Variants in RBFOX1 observed in about 807,000 individuals in gnomAD.
RBFOX1 encodes RNA binding protein fox-1 homolog 1.
A neutral mutation model predicts 57.7 loss-of-function variants in RBFOX1; 8 were observed. That is an observed-to-expected ratio of 0.14 (90% CI 0.08 to 0.25). RBFOX1 has a LOEUF of 0.25. Ranked by LOEUF, RBFOX1 falls within the 10% of genes least tolerant of loss-of-function variation. The pLI is 1.00. For missense variants in RBFOX1, 611 were observed against 548.5 expected (o/e 1.11, Z -1.14); for synonymous variants, 326 against 222.4 (o/e 1.47, Z -4.15).
At chr16:7,289,718 G>A (rs1188104038) in intron 4 of RBFOX1, among the ~76,000 whole-genome samples, 1 of 152,010 alleles carries the variant, frequency 6.6e-6, no homozygotes, top group Admixed American at 6.6e-5. Flanking sequence ...GCACTTCCTA[G>A]GTGCTAAGGG....
intron 1 of RBFOX1, among the ~76,000 whole-genome samples, chr16:6,033,882 T>C (rs550901636): frequency 6.6e-6 from 1 of 152,230 alleles, no homozygotes; most frequent in East Asian, 1.9e-4. Flanking sequence ...CCCTTACATG[T>C]TGGTGGATGA....
rs982011577 is a variant in RBFOX1 at position 6,790,565 on chromosome 16, C to A, written c.-16+135915C>A. Among the ~76,000 whole-genome samples the A allele has an allele frequency of 5.9e-5, 9 of 152,258 alleles. 1 individual carries two copies. The East Asian group carries it at 1.5e-3, about 26-fold the overall frequency. ...CTTTCCTATTTAGCCTCTATTCCCC[C>A]AAACCATTGTTTTCCCAACACTGCC... is the stretch of plus-strand genomic sequence containing the variant. On this transcript the variant is annotated intron_variant, in intron 3 of 15. Transcript: ENST00000550418.
At chr16:6,078,261 A>G (rs1378156868) in intron 1 of RBFOX1, among the ~76,000 whole-genome samples, 3 of 152,210 alleles carry the variant, frequency 2.0e-5, no homozygotes, top group Non-Finnish European at 4.4e-5. Flanking sequence ...CAGGGTTTCT[A>G]GTATATTATG....
At chr16:6,994,954 T>C (rs1237370367) in intron 3 of RBFOX1, among the ~76,000 whole-genome samples, 1 of 151,820 alleles carries the variant, frequency 6.6e-6, no homozygotes, top group Non-Finnish European at 1.5e-5. Context: ...TTTGTGTGTG[T>C]GTGTGTGTGT....
At chr16:7,233,412 T>C (rs1205701817) in intron 4 of RBFOX1, among the ~76,000 whole-genome samples, 3 of 152,198 alleles carry the variant, frequency 2.0e-5, no homozygotes, top group African/African-American at 7.2e-5. Flanking sequence ...AAACATTGAG[T>C]TGCTTTTCCT....
intron 2 of RBFOX1, among the ~76,000 whole-genome samples, chr16:6,377,749 T>A (rs2091354893): frequency 6.6e-6 from 1 of 152,220 alleles, no homozygotes; most frequent in South Asian, 2.1e-4. Context: ...ATATAAAATG[T>A]TTGGCACTAA....
chr16:5,517,950 G>GTA (rs1288217688), intron 2 of RBFOX1, among the ~76,000 whole-genome samples: 3 of 151,964 alleles, frequency 2.0e-5, no homozygotes, highest in Non-Finnish European at 4.4e-5. Flanking sequence ...GTGTGTGTGT[G>GTA]TGTGTGTGTG....
chr16:6,718,779 C>T (rs1348550346), intron 3 of RBFOX1, among the ~76,000 whole-genome samples: 2 of 152,172 alleles, frequency 1.3e-5, no homozygotes, highest in African/African-American at 4.8e-5. Context: ...AAACTCACAA[C>T]TAGGTTGACT....
chr16:6,542,643 C>T (rs974167491), intron 2 of RBFOX1, among the ~76,000 whole-genome samples: 1 of 151,848 alleles, frequency 6.6e-6, no homozygotes, highest in African/African-American at 2.4e-5. Flanking sequence ...GCGCCCGCCA[C>T]CATGCCTGGC....
intron 4 of RBFOX1, among the ~76,000 whole-genome samples, chr16:7,425,327 G>A (rs1359714839): frequency 6.6e-6 from 1 of 152,152 alleles, no homozygotes; most frequent in Non-Finnish European, 1.5e-5. Context: ...TATTTGATGA[G>A]TAATAGTTGA....
intron 1 of RBFOX1, among the ~76,000 whole-genome samples, chr16:6,254,458 A>T (rs1048958468): frequency 6.6e-6 from 1 of 152,216 alleles, no homozygotes; most frequent in Non-Finnish European, 1.5e-5. Context: ...TCAAAGGCAG[A>T]GTAGCAGAGT....
At chr16:7,016,847 GC>G (rs1311495113) in intron 3 of RBFOX1, among the ~76,000 whole-genome samples, 2 of 152,168 alleles carry the variant, frequency 1.3e-5, no homozygotes, top group Admixed American at 1.3e-4. Context: ...GCCAGCACTT[GC>G]TGCAGAGAAC....
chr16:6,635,158 T>G (rs1288355086), intron 2 of RBFOX1, among the ~76,000 whole-genome samples: 2 of 147,116 alleles, frequency 1.4e-5, no homozygotes, highest in African/African-American at 4.9e-5. Context: ...ATGATATGAG[T>G]ATAATATATT....
At chr16:7,385,644 A>C (rs969504345) in intron 4 of RBFOX1, among the ~76,000 whole-genome samples, 3 of 152,278 alleles carry the variant, frequency 2.0e-5, no homozygotes, top group East Asian at 1.9e-4. Context: ...TGTTTTCAAA[A>C]CCTGTACCTG....
In RBFOX1 at chr16:7,711,574, G is replaced by C. The variant is rs923369673; in HGVS notation, c.*829G>C. On this transcript the variant is annotated 3_prime_UTR_variant, in exon 16 of 16. Transcript: ENST00000550418. ...AGGGAAAAAATAACATTAATAAAAA[G>C]GTGATAAAAAAGCACTGTTTCTATT... 6.6e-6 allele frequency: 1 copy of C among 152,290 alleles called. No individual in the cohort carries two copies. The highest frequency in any genetic ancestry group is 2.4e-5 in the African/African-American group (1 of 41,326). 9.4% of individuals were successfully genotyped at this position (152,290 alleles called of 1,614,324 possible).
At chr16:7,012,957 G>C (rs1015851904) in intron 3 of RBFOX1, among the ~76,000 whole-genome samples, 1 of 152,086 alleles carries the variant, frequency 6.6e-6, no homozygotes, top group Non-Finnish European at 1.5e-5. Flanking sequence ...GTTGGCAGAT[G>C]GCCACCTTCT....
At chr16:6,720,737 A>G (rs1236146031) in intron 3 of RBFOX1, among the ~76,000 whole-genome samples, 1 of 152,218 alleles carries the variant, frequency 6.6e-6, no homozygotes, top group Admixed American at 6.5e-5. Context: ...GATTGGAAAC[A>G]TGAGCTTCAT....
At chr16:7,220,949 G>C (rs1413393197) in intron 4 of RBFOX1, among the ~76,000 whole-genome samples, 2 of 152,108 alleles carry the variant, frequency 1.3e-5, no homozygotes, top group African/African-American at 4.8e-5. Flanking sequence ...GCATTTCAAA[G>C]ACTGATGAGA....
chr16:5,770,568 C>G (rs9939365), intron 3 of RBFOX1, among the ~76,000 whole-genome samples: 59,636 of 151,800 alleles, frequency 0.39, 12,052 homozygotes, highest in East Asian at 0.61. Context: ...TGGGGTAGCC[C>G]TGCTATTTCT....
Sources: gnomAD v4.1 joint callset for allele counts (sites outside exome capture counted in the v4.1 genomes callset) on GRCh38, gnomAD v4.1.1 for gene constraint, MANE v1.5 for transcripts, NCBI Gene and HGNC (gene_info 2026-07-23, HGNC 2026-07-21) for gene names.